LRRFIP1: variants seen among roughly 807,000 people sequenced by gnomAD.
The protein encoded by LRRFIP1 is leucine-rich repeat flightless-interacting protein 1.
In LRRFIP1, 62 loss-of-function variants were observed where a neutral mutation model predicts 104.4. The observed-to-expected ratio is 0.59, with a 90% CI of 0.48 to 0.73. LRRFIP1 has a LOEUF of 0.73. LRRFIP1 is among the 30% of genes least tolerant of loss of function. LRRFIP1 has a pLI of 0.00. For missense variants in LRRFIP1, 796 were observed against 824.5 expected (o/e 0.97, Z 0.42); for synonymous variants, 300 against 299.0 (o/e 1.00, Z -0.03).
chr2:237,644,546 G>T (rs540408682), intron 1 of LRRFIP1, among the ~76,000 whole-genome samples: 1 of 152,334 alleles, frequency 6.6e-6, no homozygotes, highest in African/African-American at 2.4e-5. Flanking sequence ...GCAGGCTGGA[G>T]AATTAGGTTG....
intron 1 of LRRFIP1, among the ~76,000 whole-genome samples, chr2:237,679,217 T>C (rs2091521683): frequency 6.6e-6 from 1 of 152,254 alleles, no homozygotes; most frequent in Non-Finnish European, 1.5e-5. Flanking sequence ...TTTGTTTCCT[T>C]TCAGGTGCCT....
At chr2:237,741,849 AAAAG>A (rs1289249563) in intron 11 of LRRFIP1, among the ~76,000 whole-genome samples, 9 of 152,148 alleles carry the variant, frequency 5.9e-5, no homozygotes, top group Non-Finnish European at 7.4e-5. Flanking sequence ...AAAAAGAAAA[AAAAG>A]AAAGAAAAGA....
intron 19 of LRRFIP1, chr2:237,763,275 C>T (rs768450497): frequency 5.6e-6 from 9 of 1,614,010 alleles, no homozygotes; most frequent in Middle Eastern, 3.3e-4. Context: ...GTTCCTGGTT[C>T]TCCAGCAGGA....
intron 4 of LRRFIP1, among the ~76,000 whole-genome samples, chr2:237,718,820 T>C (rs957800067): frequency 1.3e-5 from 2 of 152,236 alleles, no homozygotes; most frequent in African/African-American, 4.8e-5. Flanking sequence ...ATTGAAAATA[T>C]GATTACATTC....
chr2:237,762,854 C>T lies in LRRFIP1; in HGVS notation c.1459+2649C>T. 4 of 1,614,210 alleles carry T rather than the reference C, an allele frequency of 2.5e-6. No individual in the cohort carries two copies. In the South Asian group the frequency reaches 4.4e-5, roughly 18 times the overall value. The stretch of plus-strand genomic sequence containing the variant: ...AAGCCAAATTCTTGAGAGCAGTTCT[C>T]TCCCTGAAAACACAGTACAGGTTGA... On this transcript the variant is annotated intron_variant, in intron 19 of 23. Transcript: ENST00000308482.
At chr2:237,673,810 A>G (rs1421258708) in intron 1 of LRRFIP1, among the ~76,000 whole-genome samples, 1 of 152,100 alleles carries the variant, frequency 6.6e-6, no homozygotes, top group Non-Finnish European at 1.5e-5. Flanking sequence ...TGGCATTAAG[A>G]GAGGAAGCTG....
At chr2:237,686,381 T>A (rs190508586) in intron 1 of LRRFIP1, among the ~76,000 whole-genome samples, 3 of 152,374 alleles carry the variant, frequency 2.0e-5, no homozygotes, top group Admixed American at 1.3e-4. Context: ...ATGTCATTTT[T>A]AAAAGAGTTT....
intron 11 of LRRFIP1, 71 bp from the exon 12 acceptor site, chr2:237,748,293 A>G (rs2304431): frequency 0.27 from 298,173 of 1,089,048 alleles, 45,964 homozygotes; most frequent in East Asian, 0.56. Context: ...TTTATCATTC[A>G]TAGCCCCATC....
chr2:237,736,616 C>G (rs56314255), intron 10 of LRRFIP1, among the ~76,000 whole-genome samples: 4 of 152,186 alleles, frequency 2.6e-5, no homozygotes, highest in Non-Finnish European at 5.9e-5. Flanking sequence ...CGGGAGTCGT[C>G]AGCCCTAGAT....
In LRRFIP1 at chr2:237,735,388, G is replaced by A. The variant is rs1203877474; in HGVS notation, c.555+55G>A. ...CCCCGTGCCTGCTGCATGGCCTGGG[G>A]ATGCTCGCTGGGCAGGGTCCAGCCG... On this transcript the variant is annotated intron_variant, in intron 10 of 23. Coordinates refer to ENST00000308482, the MANE Select transcript of LRRFIP1 (RefSeq NM_001137550.2). The surrounding 1 kb of genome is among the most constrained non-coding windows in gnomAD (Gnocchi z 4.6). 1.9e-6 allele frequency: 3 copies of A among 1,551,614 alleles called. No individual in the cohort carries two copies. In the Admixed American group the frequency reaches 5.4e-5, roughly 28 times the overall value.
intron 1 of LRRFIP1, among the ~76,000 whole-genome samples, chr2:237,700,476 G>A (rs1033140055): frequency 6.6e-6 from 1 of 152,164 alleles, no homozygotes; most frequent in African/African-American, 2.4e-5. Flanking sequence ...TGTATCATGG[G>A]GCCTAGAAAA....
rs763555442 is a variant in LRRFIP1, at chr2:237,753,489, A to G, written c.1038+10A>G. The stretch of plus-strand genomic sequence containing the variant: ...CGAAGAGAAAAACAAAGTAAGCATT[A>G]GTATGATACAGAATGTTAACAATAG... On this transcript the variant is annotated intron_variant, in intron 15 of 23. Transcript: ENST00000308482. 1.3e-6 allele frequency: 2 copies of G among 1,572,706 alleles called. No individual in the cohort carries two copies. Among genetic ancestry groups the G allele is most frequent in the Non-Finnish European group, 1.7e-6 (2 of 1,166,846 alleles).
At chr2:237,776,457 G>T (rs1446703658) in intron 23 of LRRFIP1, among the ~76,000 whole-genome samples, 1 of 152,162 alleles carries the variant, frequency 6.6e-6, no homozygotes, top group African/African-American at 2.4e-5. Flanking sequence ...GATCAAACTT[G>T]TGAAGTGTGC....
In LRRFIP1 at chr2:237,735,904, C is replaced by T. The variant is rs533875176; in HGVS notation, c.555+571C>T. 2.0e-4 allele frequency among the ~76,000 whole-genome samples: 30 copies of T among 152,212 alleles called. No individual in the cohort carries two copies. Among genetic ancestry groups the T allele is most frequent in the African/African-American group, 6.5e-4 (27 of 41,540 alleles). On this transcript the variant is annotated intron_variant, in intron 10 of 23. Coordinates refer to ENST00000308482, the MANE Select transcript of LRRFIP1 (RefSeq NM_001137550.2). This position sits in a 1 kb window ranked among gnomAD's most constrained non-coding sequence, Gnocchi z 4.6. ...GATGGAACCCGTGGAAGTGGGGAGACGAATTTGCGTGTCCCAGGGACCTGT... is the reference window on the plus strand; with the variant it reads ...GATGGAACCCGTGGAAGTGGGGAGATGAATTTGCGTGTCCCAGGGACCTGT...
intron 1 of LRRFIP1, among the ~76,000 whole-genome samples, chr2:237,689,943 C>T (rs899392487): frequency 3.3e-5 from 5 of 152,238 alleles, no homozygotes; most frequent in Admixed American, 6.5e-5. Flanking sequence ...GTCATTATCA[C>T]CGGCATGTTT....
Position 237,661,290 on chromosome 2 carries a change from C to T in LRRFIP1, c.96+33550C>T, listed in dbSNP as rs1036472826. On this transcript the variant is annotated intron_variant, in intron 1 of 23. Transcript: ENST00000308482. The surrounding 1 kb of genome is among the most constrained non-coding windows in gnomAD (Gnocchi z 4.4). Reference sequence around the variant, plus strand: ...TGGCTTCCCCTGGCTGCTGCTAATTCTGGAGGACACAGTGGGGTGGGCCAC... The same window carrying T: ...TGGCTTCCCCTGGCTGCTGCTAATTTTGGAGGACACAGTGGGGTGGGCCAC... 6.6e-6 allele frequency among the ~76,000 whole-genome samples: 1 copy of T among 152,152 alleles called. No individual in the cohort carries two copies. The highest frequency in any genetic ancestry group is 1.5e-5 in the Non-Finnish European group (1 of 68,040).
chr2:237,667,309 TG>T (rs1006748354), intron 1 of LRRFIP1, among the ~76,000 whole-genome samples: 38 of 152,312 alleles, frequency 2.5e-4, no homozygotes, highest in African/African-American at 9.1e-4. Flanking sequence ...GAGAACATGT[TG>T]GTTTTCTGTT....
intron 8 of LRRFIP1, among the ~76,000 whole-genome samples, chr2:237,728,627 T>C (rs1013564775): frequency 1.3e-5 from 2 of 152,174 alleles, no homozygotes; most frequent in African/African-American, 4.8e-5. Context: ...CTTCACGATA[T>C]CCCACAGGTC....
intron 7 of LRRFIP1, among the ~76,000 whole-genome samples, chr2:237,727,140 G>A (rs866450455): frequency 3.3e-5 from 5 of 151,964 alleles, no homozygotes; most frequent in South Asian, 2.1e-4. Context: ...GGCGGATCAC[G>A]AGGTCAGGAG....
Sources: allele counts gnomAD v4.1 joint callset (sites outside exome capture counted in the v4.1 genomes callset), GRCh38; gene constraint gnomAD v4.1.1; non-coding constraint Gnocchi (gnomAD v3.1); transcripts MANE v1.5; gene names NCBI Gene and HGNC (gene_info 2026-07-23, HGNC 2026-07-21).